Variants in RAB3IP observed in about 807,000 individuals in gnomAD.
The protein encoded by RAB3IP is rab-3A-interacting protein.
RAB3IP carries 36 observed loss-of-function variants against 59.1 expected under a neutral mutation model. That is an observed-to-expected ratio of 0.61 (90% CI 0.47 to 0.80). The LOEUF (loss-of-function observed/expected upper bound fraction) is 0.80, where lower values mean the gene tolerates loss of function less well. RAB3IP is among the 30% of genes least tolerant of loss of function. The pLI is 0.00. For synonymous variants in RAB3IP, 207 were observed against 191.2 expected (o/e 1.08, Z -0.68); for missense variants, 511 against 536.0 (o/e 0.95, Z 0.46).
rs563010574 is a variant in RAB3IP, at chr12:69,760,448, A to G, written c.510+3785A>G. Among the ~76,000 whole-genome samples the G allele has an allele frequency of 1.1e-3, 160 of 152,268 alleles. 1 individual carries two copies. Among genetic ancestry groups the G allele is most frequent in the Admixed American group, 1.6e-3 (24 of 15,302 alleles). On this transcript the variant is annotated intron_variant, in intron 3 of 10. Coordinates refer to ENST00000247833, the MANE Select transcript of RAB3IP (RefSeq NM_022456.5). The stretch of plus-strand genomic sequence containing the variant: ...AGGGAGAGGGAGAGGGAGAGCCTCC[A>G]ACTCTCCTCTTGCTCAGGATCCGTT...
chr12:69,757,031 A>G (rs1184237988), intron 3 of RAB3IP, among the ~76,000 whole-genome samples: 1 of 152,164 alleles, frequency 6.6e-6, no homozygotes, highest in African/African-American at 2.4e-5. Context: ...CACTCAGTCT[A>G]AGTCATTTTG....
intron 4 of RAB3IP, among the ~76,000 whole-genome samples, chr12:69,790,474 T>C (rs1876428425): frequency 2.0e-5 from 3 of 152,208 alleles, no homozygotes; most frequent in Non-Finnish European, 4.4e-5. Context: ...AAAATGTCTA[T>C]TCTACCCAAG....
rs1880666175 is a variant in RAB3IP at position 69,813,009 on chromosome 12, C to A, written c.1276C>A (p.Gln426Lys). The change falls in exon 10 of 11, where the codon CAG becomes AAG. Residue 426 changes from glutamine (Q) to lysine (K), a missense_variant. By Grantham distance (53) the Gln-to-Lys change is moderately conservative (BLOSUM62 1). Coordinates refer to ENST00000247833, the MANE Select transcript of RAB3IP (RefSeq NM_022456.5). ...NFFTYIRYIQ[Q>K]GLVKQQDVDQ... is the part of the protein sequence containing the mutation. Reference sequence around the variant, plus strand: ...TTTTACATACATTCGATACATTCAGCAGGGACTCGTGAAACAGCAGGATGG... The same window carrying A: ...TTTTACATACATTCGATACATTCAGAAGGGACTCGTGAAACAGCAGGATGG... The A allele has an allele frequency of 3.7e-6, 6 of 1,612,786 alleles. No individual in the cohort carries two copies. In the East Asian group the frequency reaches 1.3e-4, roughly 36 times the overall value.
At chr12:69,757,395 A>G (rs946816146) in intron 3 of RAB3IP, among the ~76,000 whole-genome samples, 1 of 152,230 alleles carries the variant, frequency 6.6e-6, no homozygotes, top group Non-Finnish European at 1.5e-5. Flanking sequence ...AATGAGTGAG[A>G]CAAAATGTTG....
At chr12:69,792,880 G>T (rs117133281) in intron 4 of RAB3IP, among the ~76,000 whole-genome samples, 2 of 152,228 alleles carry the variant, frequency 1.3e-5, no homozygotes, top group East Asian at 3.9e-4. Context: ...ATCGTTCTCC[G>T]TTGGAGGTTT....
intron 8 of RAB3IP, among the ~76,000 whole-genome samples, chr12:69,810,985 G>T (rs1287138575): frequency 1.3e-5 from 2 of 152,122 alleles, no homozygotes; most frequent in African/African-American, 4.8e-5. Context: ...GGTGTGTCCA[G>T]TTTACAAAAT....
At chr12:69,744,331 A>G (rs1453322585) in intron 1 of RAB3IP, among the ~76,000 whole-genome samples, 1 of 152,192 alleles carries the variant, frequency 6.6e-6, no homozygotes, top group East Asian at 1.9e-4. Flanking sequence ...GTAATTAAAT[A>G]TAATATTAGC....
intron 8 of RAB3IP, among the ~76,000 whole-genome samples, chr12:69,809,693 G>A (rs1040559097): frequency 1.6e-4 from 25 of 152,110 alleles, no homozygotes; most frequent in African/African-American, 5.3e-4. Context: ...TGATTGCATC[G>A]GTTACTGAGG....
intron 1 of RAB3IP, among the ~76,000 whole-genome samples, chr12:69,751,471 A>G (rs1008080081): frequency 1.3e-5 from 2 of 152,200 alleles, no homozygotes; most frequent in African/African-American, 2.4e-5. Context: ...ATGCTGACCA[A>G]CTTTTCATTG....
At chr12:69,811,946 A>G (rs1880519988) in intron 8 of RAB3IP, 1 of 152,144 alleles carries the variant, frequency 6.6e-6, no homozygotes, top group South Asian at 2.1e-4. Flanking sequence ...TTTTGCATTG[A>G]TGGGGAGTGA....
chr12:69,801,478 C>A, intron 7 of RAB3IP, 131 bp from the exon 8 acceptor site: 1 of 480,418 alleles, frequency 2.1e-6, no homozygotes, highest in Non-Finnish European at 3.6e-6. Context: ...TGATTTCTTC[C>A]TTTTTCATTT....
At chr12:69,813,851 G>A (rs1880808484) in intron 10 of RAB3IP, among the ~76,000 whole-genome samples, 1 of 151,778 alleles carries the variant, frequency 6.6e-6, no homozygotes, top group Admixed American at 6.6e-5. Context: ...ATCATGTAAA[G>A]CAGTGAATCT....
chr12:69,745,923 A>G (rs1013380813), intron 1 of RAB3IP, among the ~76,000 whole-genome samples: 2 of 152,180 alleles, frequency 1.3e-5, no homozygotes, highest in African/African-American at 2.4e-5. Context: ...CTTTTTGTGT[A>G]TTTGACAAAA....
intron 3 of RAB3IP, among the ~76,000 whole-genome samples, chr12:69,770,916 C>G (rs1873000886): frequency 6.6e-6 from 1 of 152,124 alleles, no homozygotes. Flanking sequence ...AGATTATTAA[C>G]TGTTGACCCT....
rs1209994816 is a variant in RAB3IP at position 69,778,390 on chromosome 12, C to A, written c.511-6330C>A. On this transcript the variant is annotated intron_variant, in intron 3 of 10. Transcript: ENST00000247833. ...CTCCCGTAGCTCAGAGTAATTTGATCGTCTGAAGCCTTCTTCTCTCAGCTC... is the reference window on the plus strand; with the variant it reads ...CTCCCGTAGCTCAGAGTAATTTGATAGTCTGAAGCCTTCTTCTCTCAGCTC... Among the ~76,000 whole-genome samples, 10 of 87,992 alleles carry A rather than the reference C, an allele frequency of 1.1e-4. No individual in the cohort carries two copies. In the East Asian group the frequency reaches 3.3e-3, roughly 29 times the overall value. The allele number at this position is 87,992 out of a possible 152,430, so 57.7% of individuals were successfully genotyped here.
chr12:69,808,897 A>C (rs1213107271), intron 8 of RAB3IP, among the ~76,000 whole-genome samples: 2 of 152,064 alleles, frequency 1.3e-5, no homozygotes, highest in East Asian at 1.9e-4. Flanking sequence ...TAGCCCATTT[A>C]CATTTAAGGT....
chr12:69,765,201 C>T (rs909724706), intron 3 of RAB3IP, among the ~76,000 whole-genome samples: 2 of 152,138 alleles, frequency 1.3e-5, no homozygotes, highest in Admixed American at 6.5e-5. Flanking sequence ...TGAGAGTGGG[C>T]ATCGTCGTCT....
rs1419047641 is a variant in RAB3IP at position 69,767,777 on chromosome 12, A to T, written c.510+11114A>T. Reference sequence around the variant, plus strand: ...TGAATGCCTGGAGATCTGCCTGGGCATGTGACAGAACCTGCCTGCCCCAGG... The same window carrying T: ...TGAATGCCTGGAGATCTGCCTGGGCTTGTGACAGAACCTGCCTGCCCCAGG... On this transcript the variant is annotated intron_variant, in intron 3 of 10. Coordinates refer to ENST00000247833, the MANE Select transcript of RAB3IP (RefSeq NM_022456.5). 2.0e-5 allele frequency among the ~76,000 whole-genome samples: 3 copies of T among 152,152 alleles called. No individual in the cohort carries two copies. The East Asian group carries it at 5.8e-4, about 29-fold the overall frequency.
Position 69,756,448 on chromosome 12 carries a change from A to G in RAB3IP, c.295A>G (p.Thr99Ala), listed in dbSNP as rs753894446. Residue 99 changes from threonine (T) to alanine (A), a missense_variant, in exon 3 of 11, where the codon ACA becomes GCA. Physicochemically the swap from Thr to Ala is moderately conservative, Grantham distance 58. Transcript: ENST00000247833. ...AGCCCCTTGCTCTACCTCTGGAGTCACAGCTGGATTAACTAAATTAACTAC... is the reference window on the plus strand; with the variant it reads ...AGCCCCTTGCTCTACCTCTGGAGTCGCAGCTGGATTAACTAAATTAACTAC... ...DPAPCSTSGV[T>A]AGLTKLTTRK... 11 of 1,613,820 alleles carry G rather than the reference A, an allele frequency of 6.8e-6. No homozygotes were observed. Among genetic ancestry groups the G allele is most frequent in the Admixed American group, 1.7e-5 (1 of 60,010 alleles).
Sources: allele counts gnomAD v4.1 joint callset (sites outside exome capture counted in the v4.1 genomes callset), GRCh38; gene constraint gnomAD v4.1.1; transcripts MANE v1.5; gene names NCBI Gene and HGNC (gene_info 2026-07-23, HGNC 2026-07-21).